The following OSBPL6 variants were observed in gnomAD, a reference collection of about 807,000 sequenced individuals.
OSBPL6 encodes the protein oxysterol binding protein like 6, also known as oxysterol-binding protein-related protein 6.
A neutral mutation model predicts 125.8 loss-of-function variants in OSBPL6; 49 were observed. The observed-to-expected ratio is 0.39, with a 90% CI of 0.31 to 0.49. OSBPL6 has a LOEUF of 0.49. Ranked by LOEUF, OSBPL6 falls within the 20% of genes least tolerant of loss-of-function variation. The probability of loss-of-function intolerance (pLI) is 0.88; values close to 1 mark genes in which losing one functional copy is unlikely to be tolerated. For synonymous variants in OSBPL6, 394 were observed against 391.8 expected (o/e 1.01, Z -0.07); for missense variants, 986 against 1,135.4 (o/e 0.87, Z 1.89).
intron 2 of OSBPL6, among the ~76,000 whole-genome samples, chr2:178,285,665 C>T (rs570778174): frequency 2.6e-5 from 4 of 152,204 alleles, no homozygotes; most frequent in Admixed American, 6.5e-5. Context: ...ATTTTAGAGC[C>T]GCTTTATATA....
At chr2:178,205,166 T>C (rs1375007565) in intron 1 of OSBPL6, among the ~76,000 whole-genome samples, 3 of 152,196 alleles carry the variant, frequency 2.0e-5, no homozygotes, top group Non-Finnish European at 4.4e-5. Context: ...TGCCTTTTCC[T>C]TGCCAGGGTT....
chr2:178,269,627 T>A (rs891929795), intron 1 of OSBPL6, among the ~76,000 whole-genome samples: 3 of 152,176 alleles, frequency 2.0e-5, no homozygotes, highest in African/African-American at 7.2e-5. Context: ...AATGAATTTT[T>A]CCCAGTGTTA....
chr2:178,275,299 G>A (rs1358044173), intron 1 of OSBPL6, among the ~76,000 whole-genome samples: 4 of 152,116 alleles, frequency 2.6e-5, no homozygotes, highest in Non-Finnish European at 5.9e-5. Flanking sequence ...ATCACTTGAA[G>A]TCAGGAGTTT....
chr2:178,195,859 G>T (rs2088855262), intron 1 of OSBPL6, among the ~76,000 whole-genome samples: 2 of 151,596 alleles, frequency 1.3e-5, no homozygotes, highest in Non-Finnish European at 2.9e-5. Flanking sequence ...TTTAAAAATT[G>T]CATACTAATG....
intron 2 of OSBPL6, among the ~76,000 whole-genome samples, chr2:178,292,228 A>G (rs748546371): frequency 6.6e-6 from 1 of 152,156 alleles, no homozygotes; most frequent in Non-Finnish European, 1.5e-5. Context: ...TTGAAATCCA[A>G]CATTTGTGAA....
chr2:178,251,023 C>T (rs1254432051), intron 1 of OSBPL6, among the ~76,000 whole-genome samples: 2 of 151,744 alleles, frequency 1.3e-5, no homozygotes, highest in Admixed American at 1.3e-4. Context: ...GTGAGATGAG[C>T]TGGATGTTTC....
chr2:178,267,294 C>T (rs2092261225), intron 1 of OSBPL6, among the ~76,000 whole-genome samples: 1 of 138,670 alleles, frequency 7.2e-6, no homozygotes, highest in Admixed American at 8.3e-5. Flanking sequence ...GCGGAGGTTG[C>T]AGTGAGCTGA....
intron 3 of OSBPL6, among the ~76,000 whole-genome samples, chr2:178,306,494 G>A (rs1349933924): frequency 6.6e-6 from 1 of 152,196 alleles, no homozygotes; most frequent in East Asian, 1.9e-4. Context: ...TTAGAAGGCA[G>A]ACACAGAAGG....
At chr2:178,328,794 C>G (rs905652444) in intron 5 of OSBPL6, among the ~76,000 whole-genome samples, 2 of 152,086 alleles carry the variant, frequency 1.3e-5, no homozygotes, top group Non-Finnish European at 2.9e-5. Context: ...GGCTGTAAAA[C>G]TAACTTTTAA....
chr2:178,385,240 A>AAAGGAAGGAAGGAAGAAAGAAAGG (rs1694839119), intron 18 of OSBPL6, among the ~76,000 whole-genome samples: 1 of 152,150 alleles, frequency 6.6e-6, no homozygotes, highest in Admixed American at 6.5e-5. Context: ...ATAATTAAAG[A>AAAGGAAGGAAGGAAGAAAGAAAGG]AAGGAAGGAA....
intron 1 of OSBPL6, among the ~76,000 whole-genome samples, chr2:178,263,818 T>TGTGTGTGTGTGTGTGTGTGTGC (rs1397070125): frequency 2.6e-5 from 4 of 151,618 alleles, no homozygotes; most frequent in Admixed American, 1.3e-4. Context: ...TGTGTGTGTG[T>TGTGTGTGTGTGTGTGTGTGTGC]GTGTGTGTGT....
chr2:178,250,888 C>A (rs2091669007), intron 1 of OSBPL6, among the ~76,000 whole-genome samples: 1 of 151,880 alleles, frequency 6.6e-6, no homozygotes, highest in South Asian at 2.1e-4. Flanking sequence ...CAGGCTGGTG[C>A]TGTGTCTTAT....
At chr2:178,303,999 C>T (rs1194167142) in intron 2 of OSBPL6, among the ~76,000 whole-genome samples, 1 of 152,134 alleles carries the variant, frequency 6.6e-6, no homozygotes, top group Non-Finnish European at 1.5e-5. Flanking sequence ...TGTCTTAGTC[C>T]ACTTGTGCTT....
chr2:178,226,435 T>C (rs1320000317), intron 1 of OSBPL6, among the ~76,000 whole-genome samples: 1 of 152,100 alleles, frequency 6.6e-6, no homozygotes, highest in African/African-American at 2.4e-5. Context: ...AGACAATGGG[T>C]CTGGGGTGGG....
chr2:178,332,445 C>T (rs1375606245), intron 6 of OSBPL6, among the ~76,000 whole-genome samples, 196 bp from the exon 7 acceptor site: 2 of 152,170 alleles, frequency 1.3e-5, no homozygotes, highest in East Asian at 1.9e-4. Context: ...TAAAAATTGA[C>T]GTGAAGTCAC....
At chr2:178,205,998 T>C (rs765876705) in intron 1 of OSBPL6, among the ~76,000 whole-genome samples, 15 of 152,196 alleles carry the variant, frequency 9.9e-5, no homozygotes, top group Non-Finnish European at 1.6e-4. Flanking sequence ...CTAGTCACAG[T>C]TGAATTAGTA....
intron 2 of OSBPL6, among the ~76,000 whole-genome samples, chr2:178,297,249 C>G (rs1685840673): frequency 6.6e-6 from 1 of 152,066 alleles, no homozygotes; most frequent in Non-Finnish European, 1.5e-5. Flanking sequence ...ATAGGAAACT[C>G]CAGTCTACAA....
At chr2:178,256,579 G>A (rs2091893877) in intron 1 of OSBPL6, among the ~76,000 whole-genome samples, 1 of 152,188 alleles carries the variant, frequency 6.6e-6, no homozygotes, top group Non-Finnish European at 1.5e-5. Flanking sequence ...CAGCGTCTGA[G>A]GCAGGCTGAG....
At chr2:178,386,181 A>C (rs889073949) in intron 19 of OSBPL6, among the ~76,000 whole-genome samples, 1 of 152,254 alleles carries the variant, frequency 6.6e-6, no homozygotes, top group Non-Finnish European at 1.5e-5. Context: ...CTGAAAATAC[A>C]TAAAAATGAT....
Sources: gnomAD v4.1 joint callset for allele counts (sites outside exome capture counted in the v4.1 genomes callset) on GRCh38, gnomAD v4.1.1 for gene constraint, MANE v1.5 for transcripts, NCBI Gene and HGNC (gene_info 2026-07-23, HGNC 2026-07-21) for gene names.